The following ASH1L variants were observed in gnomAD, a reference collection of about 807,000 sequenced individuals.
ASH1L encodes histone-lysine N-methyltransferase ASH1L.
A neutral mutation model predicts 269.0 loss-of-function variants in ASH1L; 23 were observed. The observed-to-expected ratio is 0.09, with a 90% CI of 0.06 to 0.12. ASH1L has a LOEUF of 0.12. ASH1L is among the 10% of genes least tolerant of loss of function. The pLI, the probability that ASH1L is intolerant of heterozygous loss-of-function variation, is 1.00. For synonymous variants in ASH1L, 1,187 were observed against 1,253.5 expected, an observed-to-expected ratio of 0.95 and a Z score of 1.12; for missense variants, 2,912 against 3,567.8, an observed-to-expected ratio of 0.82 and a Z score of 4.68.
chr1:155,517,282 T>G (rs923661988), intron 2 of ASH1L, among the ~76,000 whole-genome samples: 1 of 152,090 alleles, frequency 6.6e-6, no homozygotes, highest in African/African-American at 2.4e-5. Flanking sequence ...CCCAGGAGTT[T>G]GAGGCTGCAG....
intron 1 of ASH1L, among the ~76,000 whole-genome samples, chr1:155,548,073 AC>A (rs1324943469): frequency 6.6e-6 from 1 of 151,938 alleles, no homozygotes; most frequent in East Asian, 1.9e-4. Context: ...GGAACAGAAA[AC>A]CAAACACCGC....
chr1:155,364,567 CA>C (rs1655239475), intron 12 of ASH1L, among the ~76,000 whole-genome samples: 1 of 152,090 alleles, frequency 6.6e-6, no homozygotes, highest in African/African-American at 2.4e-5. Flanking sequence ...CTGTATCTAA[CA>C]TATTAAGCGC....
rs899892808 is a variant in ASH1L, at chr1:155,477,812, C to T, written c.4984+74G>A. 546 of 1,399,684 alleles carry T rather than the reference C, an allele frequency of 3.9e-4. 1 individual carries two copies. Among genetic ancestry groups the T allele is most frequent in the Non-Finnish European group, 5.0e-4 (528 of 1,051,668 alleles). 86.7% of individuals were successfully genotyped at this position (1,399,684 alleles called of 1,614,324 possible). On this transcript the variant is annotated intron_variant, in intron 3 of 27. Transcript: ENST00000392403. ...AAAGATATATATATTAAAAGTTCATCTACATTTATCAGGCACCTGTGGAAA... is the reference window on the plus strand; with the variant it reads ...AAAGATATATATATTAAAAGTTCATTTACATTTATCAGGCACCTGTGGAAA...
intron 3 of ASH1L, among the ~76,000 whole-genome samples, chr1:155,465,340 A>G (rs953737276): frequency 2.1e-4 from 32 of 150,872 alleles, no homozygotes; most frequent in Non-Finnish European, 1.0e-4. Flanking sequence ...AGTTGGTTGG[A>G]CAAAACATAT....
At chr1:155,410,095 C>CAA (rs957557007) in intron 6 of ASH1L, among the ~76,000 whole-genome samples, 1 of 139,940 alleles carries the variant, frequency 7.1e-6, no homozygotes, top group Non-Finnish European at 1.6e-5. Flanking sequence ...AACTCCATCT[C>CAA]AAAAAAAAAA....
At chr1:155,465,289 C>CAAAAAAAAAAAAAAAAAAA (rs1171228344) in intron 3 of ASH1L, among the ~76,000 whole-genome samples, 1 of 62,572 alleles carries the variant, frequency 1.6e-5, no homozygotes, top group South Asian at 6.2e-4. Flanking sequence ...TACAAATTAG[C>CAAAAAAAAAAAAAAAAAAA]AAAAAAAAAA....
chr1:155,349,838 C>T (rs955533739), intron 17 of ASH1L, among the ~76,000 whole-genome samples: 2 of 150,320 alleles, frequency 1.3e-5, no homozygotes, highest in African/African-American at 2.5e-5. Context: ...CTGCCTCAGC[C>T]TCCCGAGCAG....
chr1:155,384,515 C>T (rs997632761), intron 7 of ASH1L, among the ~76,000 whole-genome samples: 2 of 151,274 alleles, frequency 1.3e-5, no homozygotes, highest in Non-Finnish European at 2.9e-5. Flanking sequence ...TTCTGAGATT[C>T]GTTCTCCTGA....
rs569755252 is a variant in ASH1L, at chr1:155,478,812, G to A, written c.4058C>T (p.Pro1353Leu). Residue 1353 changes from proline to leucine, a missense_variant, in exon 3 of 28, where the codon CCC becomes CTC. Physicochemically the swap from Pro to Leu is moderately conservative, Grantham distance 98. Transcript: ENST00000392403. This position sits in a 1 kb window ranked among gnomAD's most constrained non-coding sequence, Gnocchi z 4.6. Reference protein sequence around the residue: ...KPDLKKKRGRPPKMREAMAEM... With the variant: ...KPDLKKKRGRLPKMREAMAEM... ...AGCCATTGCCTCCCTCATCTTAGGGGGTCTCCCTCTTTTCTTTTTTAAGTC... is the reference window on the plus strand; with the variant it reads ...AGCCATTGCCTCCCTCATCTTAGGGAGTCTCCCTCTTTTCTTTTTTAAGTC... 6.2e-7 allele frequency: 1 copy of A among 1,614,026 alleles called. No homozygotes were observed. Among genetic ancestry groups the A allele is most frequent in the African/African-American group, 1.3e-5 (1 of 74,976 alleles).
intron 6 of ASH1L, among the ~76,000 whole-genome samples, chr1:155,398,475 TAAGA>T (rs1286136474): frequency 6.6e-5 from 10 of 152,164 alleles, no homozygotes; most frequent in African/African-American, 2.4e-4. Flanking sequence ...TTTCTAAACA[TAAGA>T]AAGATAGAGT....
At chr1:155,533,541 G>A (rs919269842) in intron 1 of ASH1L, among the ~76,000 whole-genome samples, 5 of 150,430 alleles carry the variant, frequency 3.3e-5, no homozygotes, top group Admixed American at 6.6e-5. Flanking sequence ...GTGAAACCCC[G>A]TCTCCACTTA....
chr1:155,542,307 T>A (rs1441269074), intron 1 of ASH1L, among the ~76,000 whole-genome samples: 1 of 152,130 alleles, frequency 6.6e-6, no homozygotes, highest in East Asian at 1.9e-4. Context: ...CCCAGCACTT[T>A]GGGAGTCTGA....
intron 3 of ASH1L, among the ~76,000 whole-genome samples, chr1:155,462,099 C>A (rs1486619017): frequency 6.6e-6 from 1 of 152,036 alleles, no homozygotes; most frequent in South Asian, 2.1e-4. Flanking sequence ...TGCGCCCAGC[C>A]CTAAGAGCAC....
chr1:155,479,905 T>C lies in ASH1L; in HGVS notation c.2965A>G (p.Met989Val). The change falls in exon 3 of 28, where the codon ATG (methionine) becomes GTG (valine). Residue 989 changes from methionine to valine, a missense_variant. By Grantham distance (21) the Met-to-Val change is conservative. Around this residue, in one of 13 missense-constraint regions of ASH1L, gnomAD observed 715 missense variants for 721.0 expected, o/e 0.99. Transcript: ENST00000392403. Reference sequence around the variant, plus strand: ...AGTTTCTTTCTCTTTAAAGTCTTCATTTTATTTATTTTGCGGATAATTGTT... The same window carrying C: ...AGTTTCTTTCTCTTTAAAGTCTTCACTTTATTTATTTTGCGGATAATTGTT... ...MKTIIRKINK[M>V]KTLKRKKLLN... The C allele has an allele frequency of 6.2e-7, 1 of 1,613,340 alleles. No homozygotes were observed. The highest frequency in any genetic ancestry group is 8.5e-7 in the Non-Finnish European group (1 of 1,179,688).
At chr1:155,378,430 T>A (rs1193696566) in intron 9 of ASH1L, 41 bp from the exon 10 acceptor site, 3 of 1,610,034 alleles carry the variant, frequency 1.9e-6, no homozygotes, top group Non-Finnish European at 2.6e-6. Context: ...ACATACAGGA[T>A]AATTTTTCAA....
intron 2 of ASH1L, among the ~76,000 whole-genome samples, chr1:155,511,551 G>A (rs901227100): frequency 1.3e-5 from 2 of 152,180 alleles, no homozygotes; most frequent in Non-Finnish European, 2.9e-5. Flanking sequence ...TTTGAGACAG[G>A]GTGGAGTGCA....
chr1:155,499,844 A>AT (rs1043412696), intron 2 of ASH1L, among the ~76,000 whole-genome samples: 20 of 151,016 alleles, frequency 1.3e-4, no homozygotes, highest in Non-Finnish European at 1.2e-4. Context: ...TTCAATAATG[A>AT]TTTTTTTTTT....
At chr1:155,412,504 T>C (rs995569825) in intron 6 of ASH1L, among the ~76,000 whole-genome samples, 1 of 152,184 alleles carries the variant, frequency 6.6e-6, no homozygotes, top group Non-Finnish European at 1.5e-5. Context: ...TGGAGGGTAG[T>C]GCGCCCAAGG....
intron 4 of ASH1L, among the ~76,000 whole-genome samples, chr1:155,443,979 CTTT>C (rs60206113): frequency 3.8e-5 from 4 of 105,752 alleles, no homozygotes; most frequent in Admixed American, 1.0e-4. Flanking sequence ...ATTACTAAAT[CTTT>C]TTTTTTTTTT....
Sources: gnomAD v4.1 joint callset for allele counts (sites outside exome capture counted in the v4.1 genomes callset) on GRCh38, gnomAD v4.1.1 for gene constraint, gnomAD v4.1.1 regional missense constraint, Gnocchi (gnomAD v3.1) non-coding constraint, MANE v1.5 for transcripts, NCBI Gene and HGNC (gene_info 2026-07-23, HGNC 2026-07-21) for gene names.